Variants in TMEM132D observed in about 807,000 individuals in gnomAD.
TMEM132D encodes transmembrane protein 132D.
In TMEM132D, 21 loss-of-function variants were observed where a neutral mutation model predicts 62.3. The observed-to-expected ratio is 0.34, with a 90% CI of 0.24 to 0.49. TMEM132D has a LOEUF of 0.49. TMEM132D is among the 20% of genes least tolerant of loss of function. TMEM132D has a pLI of 0.99. For synonymous variants in TMEM132D, 621 were observed against 575.6 expected, an observed-to-expected ratio of 1.08 and a Z score of -1.13; for missense variants, 1,346 against 1,402.8, an observed-to-expected ratio of 0.96 and a Z score of 0.65.
chr12:129,484,836 C>G (rs190309462), intron 3 of TMEM132D, among the ~76,000 whole-genome samples: 85 of 152,310 alleles, frequency 5.6e-4, no homozygotes, highest in African/African-American at 1.8e-3. Context: ...GATAAGAATT[C>G]AAAACATTAA....
chr12:129,262,635 A>C (rs1880580080), intron 4 of TMEM132D: 1 of 152,194 alleles, frequency 6.6e-6, no homozygotes, highest in Non-Finnish European at 1.5e-5. Context: ...AATACTGATG[A>C]GTAATTCCAA....
intron 2 of TMEM132D, among the ~76,000 whole-genome samples, chr12:129,585,293 GCCCACA>G: frequency 6.6e-6 from 1 of 152,278 alleles, no homozygotes; most frequent in East Asian, 1.9e-4. Flanking sequence ...AGCCAAGGAC[GCCCACA>G]TTCTACATAG....
chr12:129,600,004 T>G (rs1328852589), intron 2 of TMEM132D, among the ~76,000 whole-genome samples: 1 of 152,198 alleles, frequency 6.6e-6, no homozygotes, highest in Non-Finnish European at 1.5e-5. Flanking sequence ...TGAGGTTTGC[T>G]GCATCAATGG....
intron 3 of TMEM132D, among the ~76,000 whole-genome samples, chr12:129,370,983 T>A (rs1870578186): frequency 6.6e-6 from 1 of 152,180 alleles, no homozygotes; most frequent in African/African-American, 2.4e-5. Context: ...AAAATTATAG[T>A]TAACAATAAT....
chr12:129,728,882 C>T (rs771543893), intron 1 of TMEM132D, among the ~76,000 whole-genome samples: 15 of 152,176 alleles, frequency 9.9e-5, no homozygotes, highest in Non-Finnish European at 1.5e-4. Flanking sequence ...TCACAATGTC[C>T]TCATTGCCCA....
intron 1 of TMEM132D, among the ~76,000 whole-genome samples, chr12:129,895,553 G>A (rs1875079693): frequency 6.6e-6 from 1 of 152,234 alleles, no homozygotes; most frequent in African/African-American, 2.4e-5. Flanking sequence ...CCTCAGCCAT[G>A]CCTGCACAGC....
chr12:129,728,590 G>A (rs1869115924), intron 1 of TMEM132D, among the ~76,000 whole-genome samples: 1 of 152,200 alleles, frequency 6.6e-6, no homozygotes, highest in Admixed American at 6.5e-5. Context: ...AGCAGTAATG[G>A]CTCTTTTAAT....
chr12:129,239,873 G>A (rs1593307815), intron 4 of TMEM132D, among the ~76,000 whole-genome samples: 1 of 152,290 alleles, frequency 6.6e-6, no homozygotes, highest in African/African-American at 2.4e-5. Flanking sequence ...AATTTCTAAT[G>A]GCAGCCCTAG....
At chr12:129,627,437 G>C (rs1879251604) in intron 2 of TMEM132D, among the ~76,000 whole-genome samples, 1 of 152,178 alleles carries the variant, frequency 6.6e-6, no homozygotes, top group South Asian at 2.1e-4. Context: ...AGCTAGGCTT[G>C]TGTAAGTATA....
intron 2 of TMEM132D, among the ~76,000 whole-genome samples, chr12:129,595,841 G>T (rs960112938): frequency 6.6e-6 from 1 of 152,206 alleles, no homozygotes; most frequent in Non-Finnish European, 1.5e-5. Flanking sequence ...AGTTTCCAGT[G>T]GTCCCTCAGC....
At chr12:129,300,674 G>A (rs538318458) in intron 4 of TMEM132D, among the ~76,000 whole-genome samples, 2 of 152,166 alleles carry the variant, frequency 1.3e-5, no homozygotes, top group African/African-American at 4.8e-5. Flanking sequence ...AGAGATACTG[G>A]CATTTTGACA....
At chr12:129,418,636 GT>G (rs1047940632) in intron 3 of TMEM132D, among the ~76,000 whole-genome samples, 4 of 152,102 alleles carry the variant, frequency 2.6e-5, no homozygotes, top group African/African-American at 9.7e-5. Flanking sequence ...TAGGTGATGG[GT>G]TGATGGGTGC....
chr12:129,115,760 CCAGG>C (rs748513002), intron 5 of TMEM132D, among the ~76,000 whole-genome samples: 1 of 152,180 alleles, frequency 6.6e-6, no homozygotes, highest in Non-Finnish European at 1.5e-5. Context: ...GTCACAAACT[CCAGG>C]CAGAGGTGAC....
At chr12:129,500,214 C>G (rs116575958) in intron 3 of TMEM132D, among the ~76,000 whole-genome samples, 1 of 149,554 alleles carries the variant, frequency 6.7e-6, no homozygotes, top group African/African-American at 2.5e-5. Flanking sequence ...CAACTACATA[C>G]CCTGAGTGGG....
chr12:129,588,046 C>T (rs897756796), intron 2 of TMEM132D, among the ~76,000 whole-genome samples: 11 of 152,200 alleles, frequency 7.2e-5, no homozygotes, highest in Non-Finnish European at 1.6e-4. Flanking sequence ...GACTCCTTGG[C>T]TGGTGGCCCC....
At chr12:129,096,190 C>T (rs1231808699) in intron 5 of TMEM132D, among the ~76,000 whole-genome samples, 1 of 152,108 alleles carries the variant, frequency 6.6e-6, no homozygotes, top group Non-Finnish European at 1.5e-5. Context: ...AACTGAGGCG[C>T]GATGAGATTA....
At chr12:129,445,473 T>C (rs1873070539) in intron 3 of TMEM132D, among the ~76,000 whole-genome samples, 1 of 152,166 alleles carries the variant, frequency 6.6e-6, no homozygotes, top group African/African-American at 2.4e-5. Flanking sequence ...TTAAATTTTA[T>C]AAAAAGGTAC....
At chr12:129,115,005 G>A (rs1392850769) in intron 5 of TMEM132D, among the ~76,000 whole-genome samples, 4 of 152,134 alleles carry the variant, frequency 2.6e-5, no homozygotes, top group African/African-American at 9.7e-5. Flanking sequence ...ATTTTTTGAT[G>A]AAGACACTTA....
At chr12:129,684,498 G>T (rs367622161) in intron 2 of TMEM132D, among the ~76,000 whole-genome samples, 1 of 152,088 alleles carries the variant, frequency 6.6e-6, no homozygotes, top group African/African-American at 2.4e-5. Flanking sequence ...GTCTCAGGTA[G>T]TTCTTTATAG....
Sources: allele counts gnomAD v4.1 joint callset (sites outside exome capture counted in the v4.1 genomes callset), GRCh38; gene constraint gnomAD v4.1.1; transcripts MANE v1.5; gene names NCBI Gene and HGNC (gene_info 2026-07-23, HGNC 2026-07-21).